The following TAFA1 variants were observed in gnomAD, a reference collection of about 807,000 sequenced individuals.
TAFA1 encodes chemokine-like protein TAFA-1.
In TAFA1, 4 loss-of-function variants were observed where a neutral mutation model predicts 18.5. That is an observed-to-expected ratio of 0.22 (90% CI 0.11 to 0.49). The LOEUF (loss-of-function observed/expected upper bound fraction) is 0.49, where lower values mean the gene tolerates loss of function less well. Ranked by LOEUF, TAFA1 falls within the 20% of genes least tolerant of loss-of-function variation. The pLI is 0.98. For missense variants in TAFA1, 147 were observed against 169.0 expected (o/e 0.87, Z 0.72); for synonymous variants, 56 against 55.2 (o/e 1.01, Z -0.06).
intron 2 of TAFA1, among the ~76,000 whole-genome samples, chr3:68,270,312 G>C (rs1325235140): frequency 6.6e-6 from 1 of 151,998 alleles, no homozygotes; most frequent in African/African-American, 2.4e-5. Context: ...AGAACATGGG[G>C]GTTTATAAAT....
intron 2 of TAFA1, among the ~76,000 whole-genome samples, chr3:68,068,995 A>T (rs1385190221): frequency 6.6e-6 from 1 of 152,222 alleles, no homozygotes; most frequent in Non-Finnish European, 1.5e-5. Flanking sequence ...AATTCAAGAG[A>T]TCTAGAGGAG....
In TAFA1 at chr3:68,510,347, T is replaced by C. The variant is rs1156489751; in HGVS notation, c.260-28409T>C. On this transcript the variant is annotated intron_variant, in intron 3 of 4. Transcript: ENST00000478136. The stretch of plus-strand genomic sequence containing the variant: ...GGAATGGACAGGGCTTTGGCCATCA[T>C]TGTATGTCCATTGCTTAAAGGACAG... Among the ~76,000 whole-genome samples, 6 of 152,160 alleles carry C rather than the reference T, an allele frequency of 3.9e-5. 1 individual carries two copies. The highest frequency in any genetic ancestry group is 8.8e-5 in the Non-Finnish European group (6 of 68,028).
intron 2 of TAFA1, among the ~76,000 whole-genome samples, chr3:68,045,535 G>A (rs1273517705): frequency 6.6e-6 from 1 of 152,144 alleles, no homozygotes; most frequent in Non-Finnish European, 1.5e-5. Context: ...AGCTCCTCCT[G>A]TAAGCCTTGG....
intron 2 of TAFA1, among the ~76,000 whole-genome samples, chr3:68,323,136 AT>A (rs1559617002): frequency 6.6e-6 from 1 of 151,276 alleles, no homozygotes; most frequent in Admixed American, 6.6e-5. Context: ...ATTTTGCCAT[AT>A]ATCATCTTAC....
At chr3:68,090,736 C>T (rs114557572) in intron 2 of TAFA1, among the ~76,000 whole-genome samples, 4 of 152,108 alleles carry the variant, frequency 2.6e-5, no homozygotes, top group Non-Finnish European at 5.9e-5. Context: ...AGGCTGGATG[C>T]CTTTTACTTG....
chr3:68,431,756 C>G (rs1261658648), intron 3 of TAFA1, among the ~76,000 whole-genome samples: 1 of 151,922 alleles, frequency 6.6e-6, no homozygotes, highest in Non-Finnish European at 1.5e-5. Context: ...CAGGATGAGT[C>G]GCAGACAAAA....
chr3:68,018,585 C>A (rs1267763590), intron 2 of TAFA1, among the ~76,000 whole-genome samples: 1 of 152,162 alleles, frequency 6.6e-6, no homozygotes, highest in Non-Finnish European at 1.5e-5. Context: ...CTCTGATTTC[C>A]CTACCACATC....
At chr3:68,286,983 C>T (rs2068020086) in intron 2 of TAFA1, among the ~76,000 whole-genome samples, 2 of 152,304 alleles carry the variant, frequency 1.3e-5, no homozygotes, top group African/African-American at 2.4e-5. Context: ...GCAAGGGAAA[C>T]ACAGCAGTTG....
chr3:68,320,032 A>G (rs2068673633), intron 2 of TAFA1, among the ~76,000 whole-genome samples: 1 of 152,208 alleles, frequency 6.6e-6, no homozygotes, highest in South Asian at 2.1e-4. Flanking sequence ...GTAAATATAC[A>G]GTATGTTTAC....
chr3:68,176,500 A>G (rs976167780), intron 2 of TAFA1, among the ~76,000 whole-genome samples: 2 of 152,198 alleles, frequency 1.3e-5, no homozygotes, highest in Admixed American at 6.5e-5. Context: ...TAAAGTTTAC[A>G]GATCATTTAG....
chr3:68,149,177 T>C (rs2065777648), intron 2 of TAFA1, among the ~76,000 whole-genome samples: 1 of 152,200 alleles, frequency 6.6e-6, no homozygotes, highest in African/African-American at 2.4e-5. Flanking sequence ...GAGATATTAA[T>C]AGTTAAATTT....
intron 2 of TAFA1, among the ~76,000 whole-genome samples, chr3:68,314,995 T>C (rs1019552237): frequency 6.6e-6 from 1 of 151,322 alleles, no homozygotes; most frequent in Non-Finnish European, 1.5e-5. Context: ...AAGAAAATCA[T>C]CAACTAGACA....
At chr3:68,206,075 G>A (rs1445749417) in intron 2 of TAFA1, among the ~76,000 whole-genome samples, 1 of 151,670 alleles carries the variant, frequency 6.6e-6, no homozygotes, top group Non-Finnish European at 1.5e-5. Flanking sequence ...CTTTTTTTGT[G>A]TGCTTCATTT....
chr3:68,023,947 C>G (rs1027002888), intron 2 of TAFA1, among the ~76,000 whole-genome samples: 3 of 152,120 alleles, frequency 2.0e-5, no homozygotes, highest in Non-Finnish European at 2.9e-5. Context: ...CTTACTCTCT[C>G]CTGCCCTCTC....
chr3:68,159,293 G>T (rs146686396), intron 2 of TAFA1, among the ~76,000 whole-genome samples: 196 of 152,208 alleles, frequency 1.3e-3, no homozygotes, highest in Non-Finnish European at 2.4e-3. Context: ...TGCCTGAGTT[G>T]TTTCTTTATG....
At chr3:68,000,961 T>G (rs1472675127), upstream of TAFA1, among the ~76,000 whole-genome samples, 1 of 152,224 alleles carries the variant, frequency 6.6e-6, no homozygotes, top group Non-Finnish European at 1.5e-5. Flanking sequence ...GATCTGATAT[T>G]AAATCAGCTA....
chr3:68,215,708 T>C (rs1230952905), intron 2 of TAFA1, among the ~76,000 whole-genome samples: 1 of 152,078 alleles, frequency 6.6e-6, no homozygotes, highest in African/African-American at 2.4e-5. Flanking sequence ...TCATTGTTGA[T>C]GGAAATAAAG....
chr3:68,524,980 T>A (rs879917117), intron 3 of TAFA1, among the ~76,000 whole-genome samples: 2 of 152,070 alleles, frequency 1.3e-5, no homozygotes, highest in Non-Finnish European at 2.9e-5. Context: ...CGTTTCTAGG[T>A]TTTATTGTTG....
At chr3:68,398,705 C>A (rs754708004) in intron 2 of TAFA1, among the ~76,000 whole-genome samples, 23 of 152,096 alleles carry the variant, frequency 1.5e-4, no homozygotes, top group Non-Finnish European at 2.1e-4. Context: ...TATTTCATTA[C>A]GAACATTAAC....
Sources: gnomAD v4.1 joint callset for allele counts (sites outside exome capture counted in the v4.1 genomes callset) on GRCh38, gnomAD v4.1.1 for gene constraint, MANE v1.5 for transcripts, NCBI Gene and HGNC (gene_info 2026-07-23, HGNC 2026-07-21) for gene names.